KCNQ1: variants seen among roughly 807,000 people sequenced by gnomAD.
KCNQ1 encodes potassium voltage-gated channel subfamily Q member 1.
A neutral mutation model predicts 72.4 loss-of-function variants in KCNQ1; 49 were observed. The ratio of observed to expected loss-of-function variants is 0.68; its 90% confidence interval spans 0.54 to 0.86. The LOEUF (loss-of-function observed/expected upper bound fraction) is 0.86, where lower values mean the gene tolerates loss of function less well. Among genes scored for constraint, KCNQ1 ranks in the 40% least tolerant of loss-of-function variants. The probability of loss-of-function intolerance (pLI) is 0.00; values close to 1 mark genes in which losing one functional copy is unlikely to be tolerated. For missense variants in KCNQ1, 790 were observed against 945.1 expected (o/e 0.84, Z 2.15); for synonymous variants, 450 against 412.6 (o/e 1.09, Z -1.10).
rs147523550 is a variant in KCNQ1, at chr11:2,802,419, T to G, written c.1794+24382T>G. 4.1e-3 allele frequency among the ~76,000 whole-genome samples: 623 copies of G among 152,284 alleles called. 3 individuals are homozygous for G. The highest frequency in any genetic ancestry group is 6.1e-3 in the Non-Finnish European group (415 of 68,000). On this transcript the variant is annotated intron_variant, in intron 15 of 15. Coordinates refer to ENST00000155840, the MANE Select transcript of KCNQ1 (RefSeq NM_000218.3). ...GCAGCGGGGAGCCTGCCCTGGAATG[T>G]GCCATCCTCGGGCGCAGGCAGCCCT...
In KCNQ1 at chr11:2,566,903, T is replaced by C. The variant is rs1452023163; in HGVS notation, c.478-3725T>C. ...AAGTACCCCGGTTCTGTACCTGTAG[T>C]GGATGGGGCTCTCAGAGGGATTGGG... On this transcript the variant is annotated intron_variant, in intron 2 of 15. Transcript: ENST00000155840. The surrounding 1 kb of genome is among the most constrained non-coding windows in gnomAD (Gnocchi z 6.7). 7.8e-6 allele frequency among the ~76,000 whole-genome samples: 1 copy of C among 127,782 alleles called. No individual in the cohort carries two copies. The highest frequency in any genetic ancestry group is 2.3e-4 in the East Asian group (1 of 4,374). The allele number at this position is 127,782 out of a possible 152,430, so 83.8% of individuals were successfully genotyped here. A position where few individuals can be genotyped will look rare whatever the true frequency, so the allele number is the denominator to read the frequency against.
At position 2,831,256 on chromosome 11, in the gene KCNQ1, G is replaced by A. The variant is rs1378097351; in HGVS notation, c.1795-16511G>A. 3.9e-5 allele frequency among the ~76,000 whole-genome samples: 6 copies of A among 152,202 alleles called. No individual in the cohort carries two copies. In the East Asian group the frequency reaches 5.8e-4, roughly 15 times the overall value. Reference sequence around the variant, plus strand: ...TCCCTGAGGAGGCACCTCAGCAGACGTGATGGGTGCCTGTGCCCACAGTTG... The same window carrying A: ...TCCCTGAGGAGGCACCTCAGCAGACATGATGGGTGCCTGTGCCCACAGTTG... On this transcript the variant is annotated intron_variant, in intron 15 of 15. Coordinates refer to ENST00000155840, the MANE Select transcript of KCNQ1 (RefSeq NM_000218.3).
intron 1 of KCNQ1, among the ~76,000 whole-genome samples, chr11:2,472,238 GGT>G (rs970545111): frequency 2.7e-5 from 4 of 149,602 alleles, no homozygotes; most frequent in East Asian, 2.0e-4. Context: ...TGTATATATG[GGT>G]GTGTGTGCAC....
intron 15 of KCNQ1, among the ~76,000 whole-genome samples, chr11:2,838,627 G>T (rs1415530557): frequency 2.0e-5 from 3 of 152,168 alleles, no homozygotes; most frequent in Non-Finnish European, 2.9e-5. Context: ...CCAGCAAGTG[G>T]CTGAGGGCCC....
At chr11:2,802,474 A>G (rs1847287234) in intron 15 of KCNQ1, among the ~76,000 whole-genome samples, 1 of 152,178 alleles carries the variant, frequency 6.6e-6, no homozygotes, top group African/African-American at 2.4e-5. Flanking sequence ...CTATTAATTA[A>G]GCCCCCTGGA....
chr11:2,757,274 A>G (rs1224741453), intron 11 of KCNQ1, among the ~76,000 whole-genome samples: 1 of 152,218 alleles, frequency 6.6e-6, no homozygotes, highest in Non-Finnish European at 1.5e-5. Context: ...TTGCATTTCT[A>G]TACACTAACA....
Position 2,620,202 on chromosome 11 carries a change from T to C in KCNQ1, c.1393+31348T>C. ...CAAAGGACGTAAGTTCATTCATGTA[T>C]ATATATATATTTTTTTTTTTTATTT... On this transcript the variant is annotated intron_variant, in intron 10 of 15. Transcript: ENST00000155840. The surrounding 1 kb of genome is among the most constrained non-coding windows in gnomAD (Gnocchi z 4.5). 3.2e-6 allele frequency: 1 copy of C among 313,628 alleles called. No homozygotes were observed. The highest frequency in any genetic ancestry group is 5.4e-6 in the Non-Finnish European group (1 of 184,032). 19.4% of individuals were successfully genotyped at this position (313,628 alleles called of 1,614,324 possible).
intron 1 of KCNQ1, among the ~76,000 whole-genome samples, chr11:2,514,105 G>C (rs1378533688): frequency 1.3e-5 from 2 of 152,160 alleles, no homozygotes; most frequent in African/African-American, 2.4e-5. Context: ...CTCAGCTCCT[G>C]GCTTGGCCCT....
intron 2 of KCNQ1, among the ~76,000 whole-genome samples, chr11:2,528,328 T>A (rs1364460808): frequency 2.0e-5 from 3 of 152,088 alleles, no homozygotes; most frequent in Non-Finnish European, 4.4e-5. Context: ...GTAGAGCTGG[T>A]GTGGCCAGCA....
chr11:2,584,701 GTT>G (rs1240082437), intron 7 of KCNQ1, among the ~76,000 whole-genome samples: 1 of 151,662 alleles, frequency 6.6e-6, no homozygotes, highest in African/African-American at 2.4e-5. Context: ...GTGTGTGTGT[GTT>G]AGTGTGCATA....
intron 11 of KCNQ1, among the ~76,000 whole-genome samples, chr11:2,719,223 T>G (rs1851160766): frequency 6.6e-6 from 1 of 151,136 alleles, no homozygotes; most frequent in Non-Finnish European, 1.5e-5. Flanking sequence ...ACACAGAAGG[T>G]GGTGCTGGCT....
At chr11:2,523,279 C>G (rs1428064004) in intron 1 of KCNQ1, among the ~76,000 whole-genome samples, 1 of 152,002 alleles carries the variant, frequency 6.6e-6, no homozygotes, top group South Asian at 2.1e-4. Flanking sequence ...CTGCAACCTC[C>G]ACCTCCCTGG....
intron 11 of KCNQ1, among the ~76,000 whole-genome samples, chr11:2,719,497 AAAC>A (rs1851167091): frequency 2.0e-5 from 3 of 151,040 alleles, no homozygotes; most frequent in South Asian, 2.1e-4. Flanking sequence ...ACAAACAAAC[AAAC>A]AAAAAAAAAA....
At position 2,784,205 on chromosome 11, in the gene KCNQ1, G is replaced by T. The variant is rs1846874262; in HGVS notation, c.1794+6168G>T. ...ATGATATGAAGTAAAGTCTAGATTT[G>T]TTTTGTTTTATTCTTACTTATGGAT... is the stretch of plus-strand genomic sequence containing the variant. On this transcript the variant is annotated intron_variant, in intron 15 of 15. Transcript: ENST00000155840. The surrounding 1 kb of genome is among the most constrained non-coding windows in gnomAD (Gnocchi z 4.7). 6.6e-6 allele frequency among the ~76,000 whole-genome samples: 1 copy of T among 151,812 alleles called. No homozygotes were observed. Among genetic ancestry groups the T allele is most frequent in the African/African-American group, 2.4e-5 (1 of 41,416 alleles).
rs1846462389 is a variant in KCNQ1 at position 2,764,602 on chromosome 11, T to G, written c.1515-4242T>G. ...TTGACATTATTTTTTCCTTAAACATTTGGAAGAATTTACTGGTGATGTCGT... is the reference window on the plus strand; with the variant it reads ...TTGACATTATTTTTTCCTTAAACATGTGGAAGAATTTACTGGTGATGTCGT... On this transcript the variant is annotated intron_variant, in intron 11 of 15. Transcript: ENST00000155840. The surrounding 1 kb of genome is among the most constrained non-coding windows in gnomAD (Gnocchi z 4.8). Among the ~76,000 whole-genome samples the G allele has an allele frequency of 6.6e-6, 1 of 152,214 alleles. No individual in the cohort carries two copies. Among genetic ancestry groups the G allele is most frequent in the African/African-American group, 2.4e-5 (1 of 41,438 alleles).
chr11:2,570,652 G>T lies in KCNQ1; in HGVS notation c.502G>T (p.Gly168Trp). 1 of 1,612,626 alleles carries T rather than the reference G, an allele frequency of 6.2e-7. No individual in the cohort carries two copies. Among genetic ancestry groups the T allele is most frequent in the Non-Finnish European group, 8.5e-7 (1 of 1,179,934 alleles). Residue 168 changes from glycine to tryptophan, a missense_variant, in exon 3 of 16, where the codon GGG (glycine) becomes TGG (tryptophan). Physicochemically the swap from Gly to Trp is radical, Grantham distance 184. Transcript: ENST00000155840. ...WMEIVLVVFFGTEYVVRLWSA... is the reference protein window; with the variant it reads ...WMEIVLVVFFWTEYVVRLWSA... ...GGAGATCGTGCTGGTGGTGTTCTTC[G>T]GGACGGAGTACGTGGTCCGCCTCTG...
chr11:2,666,271 G>A (rs1411285742), intron 11 of KCNQ1: 1 of 398,602 alleles, frequency 2.5e-6, no homozygotes, highest in African/African-American at 2.1e-5. Context: ...CCCCGAGGCT[G>A]GGCAGAGGGG....
intron 10 of KCNQ1, chr11:2,633,991 C>A: frequency 2.5e-6 from 1 of 398,560 alleles, no homozygotes; most frequent in Non-Finnish European, 4.4e-6. Flanking sequence ...GTTGAAGAGT[C>A]GACTGTATTT....
At chr11:2,736,623 C>T (rs1005188546) in intron 11 of KCNQ1, among the ~76,000 whole-genome samples, 8 of 152,178 alleles carry the variant, frequency 5.3e-5, no homozygotes, top group South Asian at 2.1e-4. Flanking sequence ...CCTCCCACCC[C>T]CCAGTTACAC....
Sources: allele counts gnomAD v4.1 joint callset (sites outside exome capture counted in the v4.1 genomes callset), GRCh38; gene constraint gnomAD v4.1.1; non-coding constraint Gnocchi (gnomAD v3.1); transcripts MANE v1.5; gene names NCBI Gene and HGNC (gene_info 2026-07-23, HGNC 2026-07-21).